ADH7: variants seen among roughly 807,000 people sequenced by gnomAD.
ADH7 encodes all-trans-retinol dehydrogenase [NAD(+)] ADH7.
Under a neutral mutation model 34.4 loss-of-function variants are expected in ADH7, and 41 were observed. The ratio of observed to expected loss-of-function variants is 1.19; its 90% CI spans 0.93 to 1.55. The LOEUF (loss-of-function observed/expected upper bound fraction) is 1.55, where lower values mean the gene tolerates loss of function less well. Ranked by LOEUF, ADH7 falls within the 40% of genes most tolerant of loss-of-function variation. The probability of loss-of-function intolerance (pLI) is 0.00; values close to 1 mark genes in which losing one functional copy is unlikely to be tolerated. For synonymous variants in ADH7, 180 were observed against 160.9 expected (o/e 1.12, Z -0.90); for missense variants, 540 against 461.2 (o/e 1.17, Z -1.56).
intron 2 of ADH7, among the ~76,000 whole-genome samples, 182 bp from the exon 3 acceptor site, chr4:99,428,812 G>A (rs879400698): frequency 2.0e-5 from 3 of 152,092 alleles, no homozygotes; most frequent in Non-Finnish European, 2.9e-5. Context: ...CCTCTCTGAC[G>A]GAACTTATAA....
At chr4:99,424,611 A>T (rs1403851869) in intron 5 of ADH7, among the ~76,000 whole-genome samples, 1 of 152,080 alleles carries the variant, frequency 6.6e-6, no homozygotes, top group Non-Finnish European at 1.5e-5. Flanking sequence ...TGTAAGTTGG[A>T]TTCCTAGGTG....
In ADH7 at chr4:99,415,515, T is replaced by A; in HGVS notation, c.1063A>T (p.Ile355Phe). ...LITHVLPFKKISEGFELLNSG... is the reference protein window; with the variant it reads ...LITHVLPFKKFSEGFELLNSG... ...TTGAGCAGCTCAAATCCTTCACTGATTTTTTTAAATGGTAAAACATGAGTT... is the reference window on the plus strand; with the variant it reads ...TTGAGCAGCTCAAATCCTTCACTGAATTTTTTAAATGGTAAAACATGAGTT... Residue 355 changes from isoleucine (I) to phenylalanine (F), a missense_variant, in exon 8 of 9, where the codon ATC (isoleucine) becomes TTC (phenylalanine). Coordinates refer to ENST00000437033, the MANE Select transcript of ADH7 (RefSeq NM_000673.7). The A allele has an allele frequency of 6.2e-7, 1 of 1,613,214 alleles. No individual in the cohort carries two copies. The highest frequency in any genetic ancestry group is 2.2e-5 in the East Asian group (1 of 44,828).
intron 5 of ADH7, among the ~76,000 whole-genome samples, chr4:99,424,062 G>T (rs374783685): frequency 0.045 from 6,793 of 152,022 alleles, 288 homozygotes; most frequent in East Asian, 0.12. Context: ...TGTATAAGGT[G>T]TAAGGAAGGG....
At chr4:99,428,430 T>C in intron 3 of ADH7, 62 bp downstream of exon 3, 1 of 1,555,198 alleles carries the variant, frequency 6.4e-7, no homozygotes. Flanking sequence ...GTGTGCTATT[T>C]CCTTTGATAG....
rs145947664 is a variant in ADH7 at position 99,435,220 on chromosome 4, C to A, written c.14G>T (p.Gly5Val). ...GGACAGAAATGTTCCACTTACTTTT[C>A]CAGCAGTGCCCATCCTGTCTTTGTC... is the stretch of plus-strand genomic sequence containing the variant. MGTAGKVIKCKAAVL... is the reference protein window; with the variant it reads MGTAVKVIKCKAAVL... Residue 5 changes from glycine to valine, a missense_variant, in exon 1 of 9, where the codon GGA becomes GTA. Physicochemically the swap from Gly to Val is moderately radical, Grantham distance 109. Transcript: ENST00000437033. 94 of 1,613,268 alleles carry A rather than the reference C, an allele frequency of 5.8e-5. 1 individual carries two copies. In the East Asian group the frequency reaches 1.8e-3, roughly 31 times the overall value.
intron 5 of ADH7, among the ~76,000 whole-genome samples, chr4:99,424,115 G>A (rs1249589601): frequency 6.6e-6 from 1 of 152,076 alleles, no homozygotes; most frequent in Non-Finnish European, 1.5e-5. Flanking sequence ...AGTTTTCCCA[G>A]CACCATTTAT....
In ADH7 at chr4:99,415,685, T is replaced by A. The variant is rs1560559474; in HGVS notation, c.962-69A>T. 4 of 1,488,554 alleles carry A rather than the reference T, an allele frequency of 2.7e-6. No homozygotes were observed. The Admixed American group carries it at 5.5e-5, about 21-fold the overall frequency. The allele number at this position is 1,488,554 out of a possible 1,614,324, so 92.2% of individuals were successfully genotyped here. Reference sequence around the variant, plus strand: ...TCCTTATCTTTTATTATGTTATATTTATTCCTTCTCTTTCCTGCACTATGA... The same window carrying A: ...TCCTTATCTTTTATTATGTTATATTAATTCCTTCTCTTTCCTGCACTATGA... On this transcript the variant is annotated intron_variant, in intron 7 of 8. Coordinates refer to ENST00000437033, the MANE Select transcript of ADH7 (RefSeq NM_000673.7).
intron 7 of ADH7, 32 bp downstream of exon 7, chr4:99,418,954 C>G: frequency 6.2e-7 from 1 of 1,609,514 alleles, no homozygotes; most frequent in Non-Finnish European, 8.5e-7. Context: ...TGAAAGCCAT[C>G]ACTCCCCATC....
rs531902147 is a variant in ADH7, at chr4:99,421,206, C to CA, written c.565-414dup. Among the ~76,000 whole-genome samples the CA allele has an allele frequency of 5.8e-3, 889 of 152,034 alleles. 14 individuals are homozygous for CA. Among genetic ancestry groups the CA allele is most frequent in the African/African-American group, 0.02 (828 of 41,466 alleles). Reference sequence around the variant, plus strand: ...CCATATAGCCAAGACAATCCTAAGCCAAAAAAACAAAGCTGGAGGCATCAT... The same window carrying CA: ...CCATATAGCCAAGACAATCCTAAGCCAAAAAAAACAAAGCTGGAGGCATCAT... On this transcript the variant is annotated intron_variant, in intron 5 of 8. Transcript: ENST00000437033.
intron 6 of ADH7, 152 bp downstream of exon 6, chr4:99,420,381 G>T: frequency 1.1e-6 from 1 of 897,102 alleles, no homozygotes; most frequent in Non-Finnish European, 1.7e-6. Flanking sequence ...AGGCAAAATT[G>T]CTATGTGATT....
chr4:99,434,177 C>A (rs572229473), intron 1 of ADH7, among the ~76,000 whole-genome samples: 1 of 152,212 alleles, frequency 6.6e-6, no homozygotes, highest in African/African-American at 2.4e-5. Context: ...AATAGTGTAA[C>A]CAGACCTGAA....
At chr4:99,419,679 T>C (rs916510271) in intron 6 of ADH7, among the ~76,000 whole-genome samples, 1 of 152,102 alleles carries the variant, frequency 6.6e-6, no homozygotes, top group African/African-American at 2.4e-5. Context: ...CCAGCCTTCA[T>C]CAAGTAGCAA....
intron 5 of ADH7, among the ~76,000 whole-genome samples, chr4:99,427,118 T>G (rs995072755): frequency 6.6e-6 from 1 of 152,190 alleles, no homozygotes; most frequent in Non-Finnish European, 1.5e-5. Context: ...ACTTGTGAAA[T>G]TTCATGTGAT....
chr4:99,421,899 A>G (rs1221200934), intron 5 of ADH7, among the ~76,000 whole-genome samples: 2 of 152,260 alleles, frequency 1.3e-5, no homozygotes, highest in Non-Finnish European at 2.9e-5. Flanking sequence ...AACATATGAA[A>G]AAAGCTCAAC....
rs1721846528 is a variant in ADH7 at position 99,427,886 on chromosome 4, C to G, written c.451G>C (p.Val151Leu). Residue 151 changes from valine to leucine, a missense_variant, in exon 5 of 9, where the codon GTG (valine) becomes CTG (leucine). Val to Leu is a conservative substitution (Grantham distance 32). Coordinates refer to ENST00000437033, the MANE Select transcript of ADH7 (RefSeq NM_000673.7). ...TTAGCAACAGAAGATTCATCCACCA[C>G]TGTGTACTCGGTAAATGTACTGGTG... ...MNTSTFTEYT[V>L]VDESSVAKID... The G allele has an allele frequency of 6.2e-7, 1 of 1,613,966 alleles. No individual in the cohort carries two copies. Among genetic ancestry groups the G allele is most frequent in the Non-Finnish European group, 8.5e-7 (1 of 1,179,922 alleles).
intron 8 of ADH7, among the ~76,000 whole-genome samples, chr4:99,413,508 C>T (rs537817775): frequency 2.0e-5 from 3 of 152,280 alleles, no homozygotes; most frequent in Admixed American, 1.3e-4. Context: ...AGAGATCCTG[C>T]AAGTAGATGA....
At chr4:99,434,626 T>A (rs1000121445) in intron 1 of ADH7, among the ~76,000 whole-genome samples, 9 of 152,158 alleles carry the variant, frequency 5.9e-5, no homozygotes, top group African/African-American at 2.2e-4. Context: ...CTCTGCTAAC[T>A]CTGTTGTTTT....
chr4:99,423,889 C>T (rs1183344033), intron 5 of ADH7, among the ~76,000 whole-genome samples: 1 of 151,994 alleles, frequency 6.6e-6, no homozygotes, highest in African/African-American at 2.4e-5. Context: ...TTAATTAGAT[C>T]CCATTTGTCA....
intron 6 of ADH7, 122 bp downstream of exon 6, chr4:99,420,409 TAA>T: frequency 8.5e-7 from 1 of 1,181,230 alleles, no homozygotes. Context: ...TTTGCCTGAG[TAA>T]AACTGACTAT....
Sources: gnomAD v4.1 joint callset for allele counts (sites outside exome capture counted in the v4.1 genomes callset) on GRCh38, gnomAD v4.1.1 for gene constraint, MANE v1.5 for transcripts, NCBI Gene and HGNC (gene_info 2026-07-23, HGNC 2026-07-21) for gene names.